The following CELA3B variants were observed in gnomAD, a reference collection of about 807,000 sequenced individuals.
The protein encoded by CELA3B is chymotrypsin-like elastase family member 3B.
CELA3B carries 34 observed loss-of-function variants against 37.2 expected under a neutral mutation model. The observed-to-expected ratio is 0.91, with a 90% CI of 0.70 to 1.22. The LOEUF (loss-of-function observed/expected upper bound fraction) is 1.22, where lower values mean the gene tolerates loss of function less well. CELA3B is among the 50% of genes most tolerant of loss of function. CELA3B has a pLI of 0.00. For synonymous variants in CELA3B, 127 were observed against 143.5 expected (o/e 0.89, Z 0.82); for missense variants, 340 against 363.1 (o/e 0.94, Z 0.52).
chr1:21,989,185 G>A, intron 7 of CELA3B, 77 bp from the exon 8 acceptor site: 1 of 1,569,636 alleles, frequency 6.4e-7, no homozygotes, highest in East Asian at 2.3e-5. Context: ...AGGGCTGGAA[G>A]TTGAACCCAG....
intron 7 of CELA3B, chr1:21,987,719 T>A (rs2152817066): frequency 6.7e-6 from 1 of 149,942 alleles, no homozygotes; most frequent in East Asian, 2.0e-4. Context: ...AGTAGTAGGA[T>A]CACACCTGTG....
rs1192853204 is a variant in CELA3B, at chr1:21,996,227, C to T, written c.505-1924C>T. ...TAAAATGAAGCTGAGACCTGGGCTG[C>T]ATTCCCAGACAGATAGCCAGTTAAG... On this transcript the variant is annotated intron_variant, in intron 4 of 4. Coordinates refer to the CELA3B transcript ENST00000400277. 2.6e-5 allele frequency among the ~76,000 whole-genome samples: 4 copies of T among 151,024 alleles called. 1 individual carries two copies. The highest frequency in any genetic ancestry group is 4.4e-5 in the Non-Finnish European group (3 of 67,892).
chr1:21,998,232 G>T (rs1438021652), exon 5 of CELA3B: 9 of 468,200 alleles, frequency 1.9e-5, no homozygotes, highest in Non-Finnish European at 3.5e-5. Context: ...CATATTAAAG[G>T]CTCTGAGAAG....
chr1:21,985,962 T>C (rs7411116), intron 6 of CELA3B, among the ~76,000 whole-genome samples: 63,354 of 73,720 alleles, frequency 0.86, 28,248 homozygotes, highest in Middle Eastern at 0.95. Context: ...ACTATGGTGC[T>C]ACTAATAAGA....
chr1:21,986,400 A>T (rs557614617), intron 6 of CELA3B, 131 bp from the exon 7 acceptor site: 469 of 1,131,748 alleles, frequency 4.1e-4, no homozygotes, highest in Non-Finnish European at 5.1e-4. Context: ...ATAAATGATT[A>T]AAAAAAATGA....
intron 7 of CELA3B, among the ~76,000 whole-genome samples, chr1:21,988,249 T>C (rs2152817160): frequency 6.8e-6 from 1 of 147,494 alleles, no homozygotes; most frequent in African/African-American, 2.5e-5. Context: ...AAAACAGTGA[T>C]GATTTATAGA....
Position 21,983,723 on chromosome 1 carries a change from G to A in CELA3B, c.392G>A (p.Arg131His), listed in dbSNP as rs555621832. ...GNDIALIKLS[R>H]SAQLGDAVQL... ...GACATCGCCCTCATCAAGCTCTCAC[G>A]CAGCGCCCAGCTGGGAGACGCCGTC... Residue 131 changes from arginine (R) to histidine (H), a missense_variant, in exon 5 of 8, where the codon CGC (arginine) becomes CAC (histidine). Transcript: ENST00000337107. 1.4e-4 allele frequency: 225 copies of A among 1,614,072 alleles called. 2 individuals are homozygous for A. In the Admixed American group the frequency reaches 1.7e-3, roughly 12 times the overall value.
chr1:21,978,430 G>C lies in CELA3B; in HGVS notation c.105G>C (p.Ala35=), dbSNP rs757449459. ...PSSRVVNGED[A]VPYSWPWQVS... ...GCCGCGTTGTCAATGGTGAGGATGC[G>C]GTCCCCTACAGCTGGCCCTGGCAGG... The change falls in exon 2 of 8, where the codon GCG becomes GCC. Residue 35 remains alanine, a synonymous_variant. Coordinates refer to ENST00000337107, the MANE Select transcript of CELA3B (RefSeq NM_007352.4). The C allele has an allele frequency of 1.2e-6, 2 of 1,614,058 alleles. No homozygotes were observed. Among genetic ancestry groups the C allele is most frequent in the Non-Finnish European group, 8.5e-7 (1 of 1,179,934 alleles).
chr1:21,988,155 T>C (rs2152817137), intron 7 of CELA3B, among the ~76,000 whole-genome samples: 1 of 151,684 alleles, frequency 6.6e-6, no homozygotes, highest in Non-Finnish European at 1.5e-5. Flanking sequence ...GAGGTTGCAG[T>C]GCGCCGAGAT....
At chr1:21,981,234 G>A (rs1249794528) in intron 4 of CELA3B, 62 bp downstream of exon 4, 22 of 1,561,714 alleles carry the variant, frequency 1.4e-5, no homozygotes, top group African/African-American at 1.2e-4. Flanking sequence ...ATGACCCACA[G>A]CCAAGTCTGA....
At chr1:21,988,135 C>T (rs906814725) in intron 7 of CELA3B, among the ~76,000 whole-genome samples, 7 of 151,486 alleles carry the variant, frequency 4.6e-5, no homozygotes, top group Non-Finnish European at 1.0e-4. Context: ...CTGCTTGAAT[C>T]TGGGAGGCGG....
chr1:21,977,497 G>A (rs1427196468), intron 1 of CELA3B, among the ~76,000 whole-genome samples: 1 of 152,032 alleles, frequency 6.6e-6, no homozygotes, highest in Non-Finnish European at 1.5e-5. Context: ...CCAGCTCAGG[G>A]CCACCTCTTC....
intron 4 of CELA3B, among the ~76,000 whole-genome samples, chr1:21,996,588 T>G (rs1644891353): frequency 6.6e-6 from 1 of 151,332 alleles, no homozygotes; most frequent in Admixed American, 6.6e-5. Flanking sequence ...TTTACTTTCT[T>G]AATTAACTTG....
intron 4 of CELA3B, among the ~76,000 whole-genome samples, chr1:21,995,000 CAAAAAAAA>C (rs61509449): frequency 1.3e-4 from 7 of 54,014 alleles, no homozygotes; most frequent in Admixed American, 5.2e-4. Context: ...AGACTTGTCT[CAAAAAAAA>C]AAAAAAAAAA....
At chr1:21,987,261 T>C in intron 7 of CELA3B, among the ~76,000 whole-genome samples, 1 of 151,548 alleles carries the variant, frequency 6.6e-6, no homozygotes, top group East Asian at 1.9e-4. Context: ...AAGACCAGCC[T>C]GGCCAAGATG....
chr1:21,979,716 A>G (rs2152815557), intron 2 of CELA3B, among the ~76,000 whole-genome samples: 1 of 150,944 alleles, frequency 6.6e-6, no homozygotes. Flanking sequence ...GACCTCCCAC[A>G]GTGCTGGGAT....
downstream of CELA3B, among the ~76,000 whole-genome samples, chr1:21,989,916 G>A (rs1336801042): frequency 2.0e-5 from 3 of 150,534 alleles, no homozygotes; most frequent in East Asian, 2.0e-4. Flanking sequence ...AGAACTGCCC[G>A]AGACTGGGTA....
rs747201005 is a variant in CELA3B at position 21,977,028 on chromosome 1, A to G, written c.-12A>G. 4 of 1,614,034 alleles carry G rather than the reference A, an allele frequency of 2.5e-6. No homozygotes were observed. The Admixed American group carries it at 6.7e-5, about 27-fold the overall frequency. Reference sequence around the variant, plus strand: ...CCAGGTTCTGTGCCCTTTTCCTATCATCGCAAAACTCATGATGCTCCGGCT... The same window carrying G: ...CCAGGTTCTGTGCCCTTTTCCTATCGTCGCAAAACTCATGATGCTCCGGCT... On this transcript the variant is annotated 5_prime_UTR_variant, in exon 1 of 8. Transcript: ENST00000337107.
intron 7 of CELA3B, among the ~76,000 whole-genome samples, chr1:21,988,908 A>C (rs1349929324): frequency 3.6e-5 from 3 of 84,094 alleles, no homozygotes; most frequent in African/African-American, 8.9e-5. Context: ...AAAAAACTCC[A>C]AAAATATATA....
Sources: gnomAD v4.1 joint callset for allele counts (sites outside exome capture counted in the v4.1 genomes callset) on GRCh38, gnomAD v4.1.1 for gene constraint, MANE v1.5 for transcripts, NCBI Gene and HGNC (gene_info 2026-07-23, HGNC 2026-07-21) for gene names.